KDM1B: variants seen among roughly 807,000 people sequenced by gnomAD.
The protein encoded by KDM1B is lysine demethylase 1B.
KDM1B carries 63 observed loss-of-function variants against 107.4 expected under a neutral mutation model. The observed-to-expected ratio is 0.59, with a 90% CI of 0.48 to 0.72. The LOEUF is 0.72. Among genes scored for constraint, KDM1B ranks in the 30% least tolerant of loss-of-function variants. The probability of loss-of-function intolerance (pLI) is 0.00; values close to 1 mark genes in which losing one functional copy is unlikely to be tolerated. For missense variants in KDM1B, 749 were observed against 1,020.8 expected (o/e 0.73, Z 3.63); for synonymous variants, 363 against 363.9 (o/e 1.00, Z 0.03).
At chr6:18,220,409 C>T (rs975158728) in intron 21 of KDM1B, among the ~76,000 whole-genome samples, 7 of 152,014 alleles carry the variant, frequency 4.6e-5, no homozygotes, top group Non-Finnish European at 7.4e-5. Context: ...ATCAGCTGGG[C>T]ATGGTGGCGG....
intron 7 of KDM1B, among the ~76,000 whole-genome samples, chr6:18,185,538 G>A (rs1185066796): frequency 6.6e-6 from 1 of 151,938 alleles, no homozygotes; most frequent in African/African-American, 2.4e-5. Context: ...CTGACCTTAG[G>A]TGATCCACCC....
chr6:18,193,290 T>C (rs1002228250), intron 10 of KDM1B, among the ~76,000 whole-genome samples: 2 of 145,998 alleles, frequency 1.4e-5, no homozygotes, highest in Non-Finnish European at 3.0e-5. Flanking sequence ...CTTTGAAATG[T>C]GTGCTTTCTT....
chr6:18,197,256 A>G lies in KDM1B; in HGVS notation c.1146+23A>G, dbSNP rs1489166904. 1.9e-6 allele frequency: 3 copies of G among 1,602,548 alleles called. No homozygotes were observed. The highest frequency in any genetic ancestry group is 1.7e-4 in the Middle Eastern group (1 of 5,938). On this transcript the variant is annotated intron_variant, in intron 11 of 21. Coordinates refer to ENST00000650836, the MANE Select transcript of KDM1B (RefSeq NM_001364614.2). The surrounding 1 kb of genome is among the most constrained non-coding windows in gnomAD (Gnocchi z 4.5). ...AATGTAGGTGATTATAGCTTTAGCG[A>G]TAGCCTTGCCATTGATCAGGACAAA...
At chr6:18,194,497 T>A (rs1246213533) in intron 10 of KDM1B, among the ~76,000 whole-genome samples, 1 of 152,208 alleles carries the variant, frequency 6.6e-6, no homozygotes, top group Non-Finnish European at 1.5e-5. Context: ...CGATAAAGTG[T>A]AAATTGCTAT....
intron 10 of KDM1B, among the ~76,000 whole-genome samples, chr6:18,195,733 C>CAAAAAAAAAA (rs774459443): frequency 7.4e-5 from 8 of 107,804 alleles, no homozygotes; most frequent in African/African-American, 1.4e-4. Context: ...AACTCCATAT[C>CAAAAAAAAAA]AAAAAAAAAA....
chr6:18,185,797 T>C lies in KDM1B; in HGVS notation c.560T>C (p.Leu187Pro). ...IKPETSDHCS[L>P]PEDLRVLEVS... ...CCTGAGACCTCAGATCATTGTTCCC[T>C]CCCAGAGGATCTAGTGAGTATTTCC... The change falls in exon 8 of 22, where the codon CTC becomes CCC. Residue 187 changes from leucine (L) to proline (P), a missense_variant. By Grantham distance (98) the Leu-to-Pro change is moderately conservative. Coordinates refer to ENST00000650836, the MANE Select transcript of KDM1B (RefSeq NM_001364614.2). The C allele has an allele frequency of 6.2e-7, 1 of 1,614,038 alleles. No individual in the cohort carries two copies. Among genetic ancestry groups the C allele is most frequent in the Middle Eastern group, 1.6e-4 (1 of 6,062 alleles).
intron 7 of KDM1B, among the ~76,000 whole-genome samples, chr6:18,174,268 T>C (rs1785848984): frequency 6.6e-6 from 1 of 152,178 alleles, no homozygotes; most frequent in Non-Finnish European, 1.5e-5. Flanking sequence ...AAGATTGTTT[T>C]GGCTATTCTA....
Position 18,217,816 on chromosome 6 carries a change from A to C in KDM1B, c.2316A>C (p.Thr772=). 6.2e-7 allele frequency: 1 copy of C among 1,614,038 alleles called. No individual in the cohort carries two copies. The highest frequency in any genetic ancestry group is 8.5e-7 in the Non-Finnish European group (1 of 1,179,924). ...AGATGGCATACAGTTTTGTGAAGAC[A>C]GGTGGAAGTGGGGAGGCCTACGATA... The part of the protein sequence containing the change: ...WIQMAYSFVK[T]GGSGEAYDII... Residue 772 remains threonine (T), a synonymous_variant, in exon 21 of 22, where the codon ACA becomes ACC. Transcript: ENST00000650836.
intron 6 of KDM1B, among the ~76,000 whole-genome samples, chr6:18,166,766 A>G (rs746445219): frequency 2.0e-5 from 3 of 151,668 alleles, no homozygotes; most frequent in Non-Finnish European, 4.4e-5. Flanking sequence ...AGGTTGGGGA[A>G]TTGCTTGAGC....
At chr6:18,184,612 C>T (rs1425583248) in intron 7 of KDM1B, among the ~76,000 whole-genome samples, 1 of 151,852 alleles carries the variant, frequency 6.6e-6, no homozygotes, top group Admixed American at 6.6e-5. Flanking sequence ...TGAGATGTGT[C>T]CATGTTGTAA....
At position 18,201,418 on chromosome 6, in the gene KDM1B, C is replaced by A; in HGVS notation, c.1360-68C>A. ...CTCCATGAGAGCTCTGTCTGATTTT[C>A]AGCTTAGAACCTGTAAATATTTTTT... On this transcript the variant is annotated intron_variant, in intron 13 of 21. Transcript: ENST00000650836. This position sits in a 1 kb window ranked among gnomAD's most constrained non-coding sequence, Gnocchi z 4.3. 8.6e-7 allele frequency: 1 copy of A among 1,166,544 alleles called. No homozygotes were observed. Among genetic ancestry groups the A allele is most frequent in the Non-Finnish European group, 1.2e-6 (1 of 834,978 alleles). The allele number at this position is 1,166,544 out of a possible 1,614,324, so 72.3% of individuals were successfully genotyped here.
Position 18,191,051 on chromosome 6 carries a change from TA to T in KDM1B, c.785-144del. 2 of 557,406 alleles carry T rather than the reference TA, an allele frequency of 3.6e-6. No homozygotes were observed. Among genetic ancestry groups the T allele is most frequent in the Non-Finnish European group, 3.2e-6 (1 of 314,742 alleles). 34.5% of individuals were successfully genotyped at this position (557,406 alleles called of 1,614,324 possible). On this transcript the variant is annotated intron_variant, in intron 9 of 21. Coordinates refer to ENST00000650836, the MANE Select transcript of KDM1B (RefSeq NM_001364614.2). The surrounding 1 kb of genome is among the most constrained non-coding windows in gnomAD (Gnocchi z 5.1). ...ATACTTAATTTATGTACGTTTTGTC[TA>T]ACTGGGTGGAGGAAGCAAAGGTATT...
At chr6:18,208,487 A>C (rs1361928722) in intron 17 of KDM1B, among the ~76,000 whole-genome samples, 1 of 150,888 alleles carries the variant, frequency 6.6e-6, no homozygotes, top group Non-Finnish European at 1.5e-5. Flanking sequence ...CAAGAAAAAA[A>C]ATTCCTTGGC....
Position 18,172,657 on chromosome 6 carries a change from A to T in KDM1B, c.534+1178A>T, listed in dbSNP as rs1785733266. On this transcript the variant is annotated intron_variant, in intron 7 of 21. Coordinates refer to ENST00000650836, the MANE Select transcript of KDM1B (RefSeq NM_001364614.2). This position sits in a 1 kb window ranked among gnomAD's most constrained non-coding sequence, Gnocchi z 5.2. The stretch of plus-strand genomic sequence containing the variant: ...TCAACCTGGGATTCAAAATATAAAC[A>T]TCATATTTTTATAACGCCTGGAATT... Among the ~76,000 whole-genome samples, 1 of 152,166 alleles carries T rather than the reference A, an allele frequency of 6.6e-6. No homozygotes were observed. Among genetic ancestry groups the T allele is most frequent in the Admixed American group, 6.6e-5 (1 of 15,250 alleles).
At chr6:18,177,458 A>T in intron 7 of KDM1B, among the ~76,000 whole-genome samples, 1 of 147,708 alleles carries the variant, frequency 6.8e-6, no homozygotes, top group Non-Finnish European at 1.5e-5. Flanking sequence ...AATTTCATTT[A>T]GTTCTTGTCT....
In KDM1B at chr6:18,207,521, A is replaced by T; in HGVS notation, c.1783A>T (p.Lys595Ter). The T allele has an allele frequency of 6.2e-7, 1 of 1,614,178 alleles. No homozygotes were observed. The highest frequency in any genetic ancestry group is 8.5e-7 in the Non-Finnish European group (1 of 1,180,020). Residue 595 changes from lysine to a stop codon, truncating the protein, a stop_gained, in exon 16 of 22, where the codon AAA becomes TAA. Coordinates refer to ENST00000650836, the MANE Select transcript of KDM1B (RefSeq NM_001364614.2). LOFTEE classifies it high-confidence loss of function. ...GGCAGAAGGGCTTGACATTCAACTCAAATCTCCAGTGAGTATCAACTGCTG... is the reference window on the plus strand; with the variant it reads ...GGCAGAAGGGCTTGACATTCAACTCTAATCTCCAGTGAGTATCAACTGCTG... ...KLAEGLDIQL[K>*]SPVQCIDYSG...
intron 8 of KDM1B, 116 bp from the exon 9 acceptor site, chr6:18,187,676 A>G: frequency 1.4e-6 from 1 of 701,000 alleles, no homozygotes; most frequent in Admixed American, 2.2e-5. Context: ...TGAGCAAGAA[A>G]AAGCATAGCG....
chr6:18,213,655 G>T lies in KDM1B; in HGVS notation c.1984-1G>T. ...CCACCTTTCTTCTGCTCACTTTGCAGATTGCCTTGCAATTTCCGTATAGAT... is the reference window on the plus strand; with the variant it reads ...CCACCTTTCTTCTGCTCACTTTGCATATTGCCTTGCAATTTCCGTATAGAT... On this transcript the variant is annotated splice_acceptor_variant, in intron 18 of 21. Transcript: ENST00000650836. LOFTEE classifies it high-confidence loss of function. This position sits in a 1 kb window ranked among gnomAD's most constrained non-coding sequence, Gnocchi z 5.9. 1 of 1,614,038 alleles carries T rather than the reference G, an allele frequency of 6.2e-7. No individual in the cohort carries two copies. Among genetic ancestry groups the T allele is most frequent in the Non-Finnish European group, 8.5e-7 (1 of 1,179,956 alleles).
intron 9 of KDM1B, among the ~76,000 whole-genome samples, chr6:18,188,672 G>A (rs1428971054): frequency 6.6e-6 from 1 of 152,028 alleles, no homozygotes; most frequent in East Asian, 1.9e-4. Flanking sequence ...GTAGTGCAGT[G>A]ACACTATCTC....
Sources: allele counts gnomAD v4.1 joint callset (sites outside exome capture counted in the v4.1 genomes callset), GRCh38; gene constraint gnomAD v4.1.1; non-coding constraint Gnocchi (gnomAD v3.1); transcripts MANE v1.5; gene names NCBI Gene and HGNC (gene_info 2026-07-23, HGNC 2026-07-21).